The following INPP4B variants were observed in gnomAD, a reference collection of about 807,000 sequenced individuals.
INPP4B encodes the protein inositol polyphosphate 4-phosphatase type II.
Under a neutral mutation model 122.5 loss-of-function variants are expected in INPP4B, and 55 were observed. That is an observed-to-expected ratio of 0.45 (90% CI 0.36 to 0.56). INPP4B has a LOEUF of 0.56. Among genes scored for constraint, INPP4B ranks in the 20% least tolerant of loss-of-function variants. INPP4B has a pLI of 0.00. For synonymous variants in INPP4B, 403 were observed against 388.7 expected, an observed-to-expected ratio of 1.04 and a Z score of -0.43; for missense variants, 1,000 against 1,097.7, an observed-to-expected ratio of 0.91 and a Z score of 1.26.
At chr4:142,738,224 G>A (rs1767291402) in intron 1 of INPP4B, among the ~76,000 whole-genome samples, 1 of 152,174 alleles carries the variant, frequency 6.6e-6, no homozygotes, top group African/African-American at 2.4e-5. Context: ...GTCCAACAGT[G>A]ATAGACTGGA....
intron 2 of INPP4B, among the ~76,000 whole-genome samples, chr4:142,516,630 A>G (rs1356555265): frequency 6.6e-6 from 1 of 152,150 alleles, no homozygotes; most frequent in Non-Finnish European, 1.5e-5. Context: ...TGCCAATTTT[A>G]AGTATGCTTT....
chr4:142,268,354 T>C (rs892584363), intron 10 of INPP4B, among the ~76,000 whole-genome samples: 3 of 31,624 alleles, frequency 9.5e-5, no homozygotes, highest in Non-Finnish European at 2.7e-4. Context: ...AAATGAGGGG[T>C]AAGTACTGGT....
At chr4:142,564,438 G>T (rs1433443276) in intron 2 of INPP4B, among the ~76,000 whole-genome samples, 1 of 14,784 alleles carries the variant, frequency 6.8e-5, no homozygotes, top group Non-Finnish European at 1.6e-4. Flanking sequence ...TTAAGGAATG[G>T]CAAAAAAAAA....
chr4:142,646,490 C>T (rs1053854108), intron 2 of INPP4B, among the ~76,000 whole-genome samples: 1 of 152,100 alleles, frequency 6.6e-6, no homozygotes, highest in South Asian at 2.1e-4. Context: ...GTGATACTTT[C>T]AAAACTCTGT....
At chr4:142,551,193 T>C (rs1319375957) in intron 2 of INPP4B, among the ~76,000 whole-genome samples, 2 of 152,214 alleles carry the variant, frequency 1.3e-5, no homozygotes, top group African/African-American at 4.8e-5. Flanking sequence ...CCAATTTCCT[T>C]GGACGACGCC....
intron 2 of INPP4B, among the ~76,000 whole-genome samples, chr4:142,540,747 A>ATG (rs559697023): frequency 3.9e-4 from 60 of 152,190 alleles, no homozygotes; most frequent in African/African-American, 1.4e-3. Flanking sequence ...TAAGGTGTGT[A>ATG]TGTGTGTGTG....
chr4:142,040,735 TTG>T (rs2152327190), intron 25 of INPP4B, among the ~76,000 whole-genome samples: 1 of 152,306 alleles, frequency 6.6e-6, no homozygotes, highest in Non-Finnish European at 1.5e-5. Context: ...TTTTAATTGC[TTG>T]AAAATAACAG....
chr4:142,249,879 CA>C (rs1731086270), intron 11 of INPP4B, among the ~76,000 whole-genome samples: 1 of 152,196 alleles, frequency 6.6e-6, no homozygotes, highest in African/African-American at 2.4e-5. Flanking sequence ...CCCTTCTATA[CA>C]GTCAAGATTC....
intron 5 of INPP4B, chr4:142,426,727 G>A (rs1286873230): frequency 6.6e-6 from 1 of 151,872 alleles, no homozygotes; most frequent in African/African-American, 2.4e-5. Flanking sequence ...AGCACACAAA[G>A]CAGACACAAA....
At chr4:142,732,760 A>G (rs988989049) in intron 1 of INPP4B, among the ~76,000 whole-genome samples, 16 of 152,270 alleles carry the variant, frequency 1.1e-4, no homozygotes, top group Middle Eastern at 3.4e-3. Flanking sequence ...TCAATTTTCA[A>G]ATTAATCTGG....
intron 25 of INPP4B, among the ~76,000 whole-genome samples, chr4:142,047,871 C>G (rs988574256): frequency 1.3e-5 from 2 of 152,162 alleles, no homozygotes; most frequent in African/African-American, 4.8e-5. Context: ...TGAAATTAGC[C>G]TTTCTCAACC....
intron 21 of INPP4B, among the ~76,000 whole-genome samples, chr4:142,119,879 T>C (rs1042447312): frequency 2.0e-5 from 3 of 147,148 alleles, no homozygotes; most frequent in African/African-American, 7.6e-5. Flanking sequence ...TATATACATA[T>C]ATACGTATAT....
At chr4:142,489,203 C>T (rs982338954) in intron 2 of INPP4B, among the ~76,000 whole-genome samples, 2 of 152,080 alleles carry the variant, frequency 1.3e-5, no homozygotes, top group Non-Finnish European at 2.9e-5. Context: ...ATCTACTGGA[C>T]AGTAGCTACA....
chr4:142,600,953 C>T (rs1739759714), intron 2 of INPP4B, among the ~76,000 whole-genome samples: 1 of 151,916 alleles, frequency 6.6e-6, no homozygotes, highest in South Asian at 2.1e-4. Context: ...CAAAAAAGGG[C>T]ATTATATAAT....
intron 2 of INPP4B, among the ~76,000 whole-genome samples, chr4:142,502,847 A>G (rs1388241531): frequency 6.6e-6 from 1 of 152,092 alleles, no homozygotes; most frequent in Admixed American, 6.6e-5. Context: ...CAGTTCTCCA[A>G]TTCTCCTTGC....
chr4:142,496,397 G>A (rs946924826), intron 2 of INPP4B, among the ~76,000 whole-genome samples: 20 of 152,116 alleles, frequency 1.3e-4, no homozygotes, highest in Admixed American at 8.5e-4. Context: ...AATGTATTTC[G>A]TGAATATGTA....
intron 1 of INPP4B, among the ~76,000 whole-genome samples, chr4:142,787,478 T>C (rs191153890): frequency 1.7e-4 from 26 of 152,228 alleles, no homozygotes; most frequent in African/African-American, 6.3e-4. Context: ...TCTAGAACTA[T>C]GAAAAATTGA....
chr4:142,772,388 G>A (rs1047315871), intron 1 of INPP4B, among the ~76,000 whole-genome samples: 2 of 152,116 alleles, frequency 1.3e-5, no homozygotes, highest in African/African-American at 4.8e-5. Context: ...CTGTGAAAGA[G>A]AATGAAGCAA....
intron 18 of INPP4B, among the ~76,000 whole-genome samples, chr4:142,141,251 T>C (rs1007652955): frequency 5.3e-5 from 8 of 152,226 alleles, no homozygotes; most frequent in Admixed American, 2.6e-4. Context: ...TTTCTATAAC[T>C]GAAGATGTGC....
Sources: gnomAD v4.1 joint callset for allele counts (sites outside exome capture counted in the v4.1 genomes callset) on GRCh38, gnomAD v4.1.1 for gene constraint, MANE v1.5 for transcripts, NCBI Gene and HGNC (gene_info 2026-07-23, HGNC 2026-07-21) for gene names.